The following ELSPBP1 variants were observed in gnomAD, a reference collection of about 807,000 sequenced individuals.
The protein encoded by ELSPBP1 is epididymal sperm-binding protein 1.
Under a neutral mutation model 33.3 loss-of-function variants are expected in ELSPBP1, and 38 were observed. The observed-to-expected ratio is 1.14, with a 90% CI of 0.88 to 1.50. The LOEUF is 1.50. Ranked by LOEUF, ELSPBP1 falls within the 40% of genes most tolerant of loss-of-function variation. ELSPBP1 has a pLI of 0.00. For synonymous variants in ELSPBP1, 85 were observed against 94.1 expected (o/e 0.90, Z 0.56); for missense variants, 267 against 263.5 (o/e 1.01, Z -0.09).
rs374319233 is a variant in ELSPBP1 at position 47,999,477 on chromosome 19, T to C, written c.-18+4666T>C. ...GATCTCGGCTCACAGCAACCTCCAC[T>C]TCCTGGCTTCAAACAATTCTGGTGC... On this transcript the variant is annotated intron_variant, in intron 1 of 6. Transcript: ENST00000339841. 4.0e-3 allele frequency among the ~76,000 whole-genome samples: 579 copies of C among 144,016 alleles called. 1 individual carries two copies. The highest frequency in any genetic ancestry group is 0.014 in the African/African-American group (553 of 38,590). The allele number at this position is 144,016 out of a possible 152,430, so 94.5% of individuals were successfully genotyped here.
At chr19:48,021,612 G>T (rs1177401617) in intron 5 of ELSPBP1, among the ~76,000 whole-genome samples, 1 of 151,184 alleles carries the variant, frequency 6.6e-6, no homozygotes, top group Non-Finnish European at 1.5e-5. Context: ...GCTAATTTTT[G>T]TATATATGTA....
rs62131798 is a variant in ELSPBP1, at chr19:47,999,457, C to T, written c.-18+4646C>T. Among the ~76,000 whole-genome samples, 585 of 142,350 alleles carry T rather than the reference C, an allele frequency of 4.1e-3. 2 individuals are homozygous for T. Among genetic ancestry groups the T allele is most frequent in the South Asian group, 0.019 (87 of 4,486 alleles). The allele number at this position is 142,350 out of a possible 152,430, so 93.4% of individuals were successfully genotyped here. A position where few individuals can be genotyped will look rare whatever the true frequency, so the allele number is the denominator to read the frequency against. ...AGGCTGGAATGCAGTGGTGTGATCT[C>T]GGCTCACAGCAACCTCCACTTCCTG... is the stretch of plus-strand genomic sequence containing the variant. On this transcript the variant is annotated intron_variant, in intron 1 of 6. Coordinates refer to ENST00000339841, the MANE Select transcript of ELSPBP1 (RefSeq NM_022142.5).
chr19:48,020,208 T>C (rs978182696), intron 5 of ELSPBP1, among the ~76,000 whole-genome samples: 1 of 151,906 alleles, frequency 6.6e-6, no homozygotes, highest in Non-Finnish European at 1.5e-5. Flanking sequence ...TCCCAGAACT[T>C]TGGGAGGCTG....
chr19:48,007,185 C>G (rs1172452070), intron 1 of ELSPBP1, among the ~76,000 whole-genome samples: 1 of 152,100 alleles, frequency 6.6e-6, no homozygotes, highest in Admixed American at 6.5e-5. Flanking sequence ...ACCCTCGTGG[C>G]CACCCGGAGA....
chr19:48,012,952 G>T (rs542132882), intron 2 of ELSPBP1, among the ~76,000 whole-genome samples: 1 of 152,120 alleles, frequency 6.6e-6, no homozygotes, highest in South Asian at 2.1e-4. Flanking sequence ...ACTATCGTCC[G>T]AATAAAGCTT....
intron 1 of ELSPBP1, among the ~76,000 whole-genome samples, chr19:48,006,245 C>A (rs763175700): frequency 6.6e-6 from 1 of 152,052 alleles, no homozygotes; most frequent in Non-Finnish European, 1.5e-5. Flanking sequence ...TTATGATTGT[C>A]GTTAATCATC....
At chr19:47,995,637 C>A (rs1367959414) in intron 1 of ELSPBP1, among the ~76,000 whole-genome samples, 1 of 152,138 alleles carries the variant, frequency 6.6e-6, no homozygotes, top group African/African-American at 2.4e-5. Flanking sequence ...TGTTTCAGAT[C>A]TGGGGTCATT....
At chr19:47,999,372 C>A (rs1966944186) in intron 1 of ELSPBP1, among the ~76,000 whole-genome samples, 2 of 147,820 alleles carry the variant, frequency 1.4e-5, no homozygotes, top group South Asian at 4.3e-4. Flanking sequence ...CCACCCCATA[C>A]TGAAAGCCTC....
At chr19:48,016,719 C>G (rs1244611207) in intron 4 of ELSPBP1, among the ~76,000 whole-genome samples, 1 of 151,824 alleles carries the variant, frequency 6.6e-6, no homozygotes, top group Non-Finnish European at 1.5e-5. Flanking sequence ...CTGCCTCAGC[C>G]TCCTGAGTAG....
chr19:48,010,531 A>G (rs944946584), intron 2 of ELSPBP1, among the ~76,000 whole-genome samples: 6 of 152,222 alleles, frequency 3.9e-5, no homozygotes, highest in African/African-American at 1.4e-4. Context: ...ATAGACACAT[A>G]AATGAATTAT....
intron 1 of ELSPBP1, among the ~76,000 whole-genome samples, chr19:48,001,164 C>T (rs1309102852): frequency 6.7e-6 from 1 of 149,198 alleles, no homozygotes; most frequent in Admixed American, 6.8e-5. Flanking sequence ...GACTCTCCTG[C>T]CTCTCTCTCT....
At chr19:48,001,938 C>A (rs776306253) in intron 1 of ELSPBP1, among the ~76,000 whole-genome samples, 20 of 152,078 alleles carry the variant, frequency 1.3e-4, no homozygotes, top group Non-Finnish European at 1.6e-4. Context: ...CTTGAGTGAT[C>A]CTCCTGCGTC....
At chr19:47,998,819 C>A (rs1966938633) in intron 1 of ELSPBP1, among the ~76,000 whole-genome samples, 1 of 150,118 alleles carries the variant, frequency 6.7e-6, no homozygotes. Context: ...CAGAGTCCAA[C>A]CTTTTGGGGG....
intron 1 of ELSPBP1, among the ~76,000 whole-genome samples, chr19:48,000,358 A>C (rs1568402875): frequency 6.6e-6 from 1 of 151,486 alleles, no homozygotes; most frequent in African/African-American, 2.4e-5. Context: ...CTCCTGCCTC[A>C]GTCTCCTGAG....
intron 4 of ELSPBP1, among the ~76,000 whole-genome samples, chr19:48,018,699 T>G (rs1967166897): frequency 6.6e-6 from 1 of 152,148 alleles, no homozygotes; most frequent in African/African-American, 2.4e-5. Flanking sequence ...AAGTCTAACC[T>G]TCAGAATTTG....
intron 1 of ELSPBP1, among the ~76,000 whole-genome samples, chr19:48,002,922 G>GA (rs1414867151): frequency 6.6e-6 from 1 of 152,174 alleles, no homozygotes; most frequent in Non-Finnish European, 1.5e-5. Context: ...TCCCAAGGTG[G>GA]AGTTTATTCT....
chr19:48,002,147 C>T (rs1260524654), intron 1 of ELSPBP1, among the ~76,000 whole-genome samples: 1 of 152,176 alleles, frequency 6.6e-6, no homozygotes, highest in Non-Finnish European at 1.5e-5. Flanking sequence ...ATCACCATCC[C>T]TTCCACTGTG....
chr19:48,006,640 A>G (rs112094834), intron 1 of ELSPBP1, among the ~76,000 whole-genome samples: 4,333 of 145,150 alleles, frequency 0.03, 130 homozygotes, highest in Middle Eastern at 0.062. Context: ...AAAAAAAAAA[A>G]AAAAAAAGAA....
At chr19:48,013,930 C>T (rs1314763673) in intron 2 of ELSPBP1, among the ~76,000 whole-genome samples, 1 of 152,028 alleles carries the variant, frequency 6.6e-6, no homozygotes, top group Admixed American at 6.6e-5. Context: ...AGCTAGCTCT[C>T]TGGGGTCTCT....
Sources: gnomAD v4.1 joint callset for allele counts (sites outside exome capture counted in the v4.1 genomes callset) on GRCh38, gnomAD v4.1.1 for gene constraint, MANE v1.5 for transcripts, NCBI Gene and HGNC (gene_info 2026-07-23, HGNC 2026-07-21) for gene names.